The following WWOX variants were observed in gnomAD, a reference collection of about 807,000 sequenced individuals.
WWOX encodes WW domain-containing oxidoreductase.
A neutral mutation model predicts 46.2 loss-of-function variants in WWOX; 69 were observed. That is an observed-to-expected ratio of 1.49 (90% CI 1.23 to 1.82). The LOEUF (loss-of-function observed/expected upper bound fraction) is 1.82. Ranked by LOEUF, WWOX falls within the 40% of genes most tolerant of loss-of-function variation. WWOX has a pLI of 0.00. For synonymous variants in WWOX, 359 were observed against 202.6 expected, an observed-to-expected ratio of 1.77 and a Z score of -6.56; for missense variants, 919 against 542.6, an observed-to-expected ratio of 1.69 and a Z score of -6.89.
intron 8 of WWOX, among the ~76,000 whole-genome samples, chr16:78,781,514 C>T (rs556046049): frequency 6.6e-6 from 1 of 152,190 alleles, no homozygotes; most frequent in Non-Finnish European, 1.5e-5. Context: ...GACATTATGA[C>T]CCTTTAATGG....
chr16:78,271,275 G>A (rs940582989), intron 5 of WWOX, among the ~76,000 whole-genome samples: 11 of 152,076 alleles, frequency 7.2e-5, no homozygotes, highest in Non-Finnish European at 1.5e-4. Flanking sequence ...TGGAAATTTT[G>A]CTTAGGTTGA....
chr16:78,283,056 C>G (rs886879939), intron 5 of WWOX, among the ~76,000 whole-genome samples: 2 of 152,000 alleles, frequency 1.3e-5, no homozygotes, highest in African/African-American at 4.8e-5. Context: ...GAGCCAGTGT[C>G]TGCTGGGGAA....
At chr16:79,082,529 C>T (rs1597357951) in intron 8 of WWOX, among the ~76,000 whole-genome samples, 1 of 152,124 alleles carries the variant, frequency 6.6e-6, no homozygotes, top group South Asian at 2.1e-4. Context: ...CTGTGTGCCT[C>T]GCATCTTGGT....
At chr16:78,687,999 G>A (rs1010594080) in intron 8 of WWOX, among the ~76,000 whole-genome samples, 13 of 152,116 alleles carry the variant, frequency 8.5e-5, no homozygotes, top group Non-Finnish European at 1.6e-4. Flanking sequence ...TTGGTTTGCT[G>A]CCAATTGCTG....
intron 8 of WWOX, among the ~76,000 whole-genome samples, chr16:78,630,049 C>T (rs186706820): frequency 2.4e-3 from 369 of 152,176 alleles, no homozygotes; most frequent in African/African-American, 8.4e-3. Context: ...CATGTAGACT[C>T]GAAGCTTCAC....
chr16:79,050,323 C>T (rs1233227957), intron 8 of WWOX, among the ~76,000 whole-genome samples: 1 of 152,130 alleles, frequency 6.6e-6, no homozygotes, highest in Non-Finnish European at 1.5e-5. Flanking sequence ...GGGTGGGGCA[C>T]TTTAGCTGGG....
chr16:78,754,177 G>A lies in WWOX; in HGVS notation c.1056+321425G>A, dbSNP rs145272067. Among the ~76,000 whole-genome samples, 188 of 151,958 alleles carry A rather than the reference G, an allele frequency of 1.2e-3. 2 individuals are homozygous for A. The highest frequency in any genetic ancestry group is 4.4e-3 in the African/African-American group (184 of 41,452). On this transcript the variant is annotated intron_variant, in intron 8 of 8. Coordinates refer to ENST00000566780, the MANE Select transcript of WWOX (RefSeq NM_016373.4). ...CTTTCTCTAGAGAACTTGGTCCCTGGGGATGCCATCTTCTCTGTCTTCACT... is the reference window on the plus strand; with the variant it reads ...CTTTCTCTAGAGAACTTGGTCCCTGAGGATGCCATCTTCTCTGTCTTCACT...
At chr16:78,739,749 T>G (rs908215491) in intron 8 of WWOX, among the ~76,000 whole-genome samples, 31 of 152,172 alleles carry the variant, frequency 2.0e-4, no homozygotes, top group African/African-American at 7.0e-4. Flanking sequence ...AGGCGGAGGT[T>G]GCAGTGAGCC....
intron 8 of WWOX, among the ~76,000 whole-genome samples, chr16:79,088,911 C>T (rs144210455): frequency 6.6e-6 from 1 of 152,130 alleles, no homozygotes; most frequent in South Asian, 2.1e-4. Flanking sequence ...AGGATACTTC[C>T]TATTGGAGTG....
chr16:78,644,396 G>C (rs1227987088), intron 8 of WWOX, among the ~76,000 whole-genome samples: 2 of 152,070 alleles, frequency 1.3e-5, no homozygotes, highest in African/African-American at 4.8e-5. Flanking sequence ...AATGACTTAG[G>C]AGAGCAAGTC....
intron 8 of WWOX, among the ~76,000 whole-genome samples, chr16:78,516,123 G>A (rs887158074): frequency 7.2e-5 from 11 of 152,180 alleles, no homozygotes; most frequent in Admixed American, 1.3e-4. Context: ...AGTTCTTGGC[G>A]TGCCCCTTTC....
At chr16:78,368,472 A>T (rs772606118) in intron 5 of WWOX, among the ~76,000 whole-genome samples, 1 of 152,130 alleles carries the variant, frequency 6.6e-6, no homozygotes, top group Non-Finnish European at 1.5e-5. Flanking sequence ...GCCTCTTTTC[A>T]ATGTGGTAAA....
chr16:78,885,924 A>ATTTTTT (rs376409155), intron 8 of WWOX, among the ~76,000 whole-genome samples: 1 of 135,722 alleles, frequency 7.4e-6, no homozygotes, highest in Non-Finnish European at 1.6e-5. Flanking sequence ...TGGGGATGGA[A>ATTTTTT]TTTTTTTTTT....
chr16:79,026,690 T>G (rs977063229), intron 8 of WWOX, among the ~76,000 whole-genome samples: 10 of 141,316 alleles, frequency 7.1e-5, no homozygotes, highest in Non-Finnish European at 1.4e-4. Context: ...CGATCTCAGC[T>G]CACTGCAACC....
intron 5 of WWOX, among the ~76,000 whole-genome samples, chr16:78,357,724 G>A (rs1214813379): frequency 3.3e-5 from 5 of 152,194 alleles, no homozygotes; most frequent in African/African-American, 1.2e-4. Flanking sequence ...GCCAGGCACA[G>A]TGCTGGGTGC....
At chr16:78,586,556 A>G (rs539561309) in intron 8 of WWOX, among the ~76,000 whole-genome samples, 1 of 152,340 alleles carries the variant, frequency 6.6e-6, no homozygotes, top group South Asian at 2.1e-4. Flanking sequence ...TACGCTTGTT[A>G]TCTCCATTTT....
At chr16:79,058,890 C>G (rs1360048705) in intron 8 of WWOX, among the ~76,000 whole-genome samples, 2 of 152,190 alleles carry the variant, frequency 1.3e-5, no homozygotes, top group Non-Finnish European at 2.9e-5. Context: ...CAGAGAAGGA[C>G]TTACTCCTCT....
chr16:78,704,405 T>TGC (rs2142304543), intron 8 of WWOX, among the ~76,000 whole-genome samples: 1 of 152,332 alleles, frequency 6.6e-6, no homozygotes, highest in Admixed American at 6.5e-5. Flanking sequence ...ATACATATAA[T>TGC]GCACAATACA....
intron 8 of WWOX, among the ~76,000 whole-genome samples, chr16:78,514,811 C>G (rs1031532270): frequency 6.6e-6 from 1 of 152,126 alleles, no homozygotes. Context: ...CCTCCCTTCT[C>G]TCAGAAAAGA....
Sources: allele counts gnomAD v4.1 joint callset (sites outside exome capture counted in the v4.1 genomes callset), GRCh38; gene constraint gnomAD v4.1.1; transcripts MANE v1.5; gene names NCBI Gene and HGNC (gene_info 2026-07-23, HGNC 2026-07-21).